The following CAMK4 variants were observed in gnomAD, a reference collection of about 807,000 sequenced individuals.
CAMK4 encodes the protein calcium/calmodulin-dependent protein kinase type IV.
In CAMK4, 22 loss-of-function variants were observed where a neutral mutation model predicts 44.9. The ratio of observed to expected loss-of-function variants is 0.49; its 90% CI spans 0.35 to 0.70. CAMK4 has a LOEUF of 0.70. Among genes scored for constraint, CAMK4 ranks in the 30% least tolerant of loss-of-function variants. The pLI is 0.01. For synonymous variants in CAMK4, 218 were observed against 215.4 expected (o/e 1.01, Z -0.11); for missense variants, 498 against 586.8 (o/e 0.85, Z 1.56).
intron 1 of CAMK4, among the ~76,000 whole-genome samples, chr5:111,309,260 A>G (rs1748096390): frequency 6.6e-6 from 1 of 152,182 alleles, no homozygotes; most frequent in African/African-American, 2.4e-5. Context: ...GGACTTATCA[A>G]TTCTGCCTGG....
Position 111,414,242 on chromosome 5 carries a change from T to C in CAMK4, c.459+19460T>C, listed in dbSNP as rs80237226. Among the ~76,000 whole-genome samples, 1,217 of 152,306 alleles carry C rather than the reference T, an allele frequency of 8.0e-3. 14 individuals carry two copies. The highest frequency in any genetic ancestry group is 0.026 in the African/African-American group (1,069 of 41,550). ...CAAAGCACAGAGTATTGCCTGATGC[T>C]ATCCTGAGAAAAAAATTTAGTTCTT... On this transcript the variant is annotated intron_variant, in intron 5 of 10. Coordinates refer to ENST00000282356, the MANE Select transcript of CAMK4 (RefSeq NM_001744.6).
chr5:111,228,559 A>G (rs1398262834), intron 1 of CAMK4, among the ~76,000 whole-genome samples: 1 of 144,194 alleles, frequency 6.9e-6, no homozygotes, highest in African/African-American at 2.6e-5. Context: ...TAAAACAGAA[A>G]CAATTTCATA....
chr5:111,241,234 G>A (rs2112518648), intron 1 of CAMK4, among the ~76,000 whole-genome samples: 1 of 151,148 alleles, frequency 6.6e-6, no homozygotes, highest in South Asian at 2.1e-4. Flanking sequence ...CAAATATATT[G>A]CATTTAATTA....
chr5:111,381,938 G>GTAAAGTT (rs3066723), intron 4 of CAMK4, among the ~76,000 whole-genome samples: 2 of 151,664 alleles, frequency 1.3e-5, no homozygotes, highest in Non-Finnish European at 2.9e-5. Flanking sequence ...AACAGAATTA[G>GTAAAGTT]TAATGATCTT....
rs1755486888 is a variant in CAMK4 at position 111,483,006 on chromosome 5, A to G, written c.981+69A>G. On this transcript the variant is annotated intron_variant, in intron 10 of 10. Coordinates refer to ENST00000282356, the MANE Select transcript of CAMK4 (RefSeq NM_001744.6). ...AAATTTATCTCATCTTGATCTATCA[A>G]TAATAGTTCTACCGTTCTTCATCTA... 3.8e-6 allele frequency: 5 copies of G among 1,305,040 alleles called. No individual in the cohort carries two copies. In the South Asian group the frequency reaches 6.4e-5, roughly 17 times the overall value. 80.8% of individuals were successfully genotyped at this position (1,305,040 alleles called of 1,614,324 possible). A position where few individuals can be genotyped will look rare whatever the true frequency, so the allele number is the denominator to read the frequency against.
chr5:111,444,771 C>T (rs920382634), intron 5 of CAMK4, among the ~76,000 whole-genome samples: 3 of 152,098 alleles, frequency 2.0e-5, no homozygotes, highest in East Asian at 3.9e-4. Flanking sequence ...GAGTATAGCA[C>T]ACTGGAAACT....
chr5:111,419,049 A>G (rs1752922444), intron 5 of CAMK4, among the ~76,000 whole-genome samples: 1 of 152,156 alleles, frequency 6.6e-6, no homozygotes, highest in South Asian at 2.1e-4. Flanking sequence ...ACTAGTTTAC[A>G]GTCCCACCAA....
At chr5:111,419,828 G>A (rs868732905) in intron 5 of CAMK4, among the ~76,000 whole-genome samples, 5 of 152,188 alleles carry the variant, frequency 3.3e-5, no homozygotes, top group African/African-American at 9.6e-5. Context: ...CCAGTACCAT[G>A]CTGTTTTGGT....
intron 1 of CAMK4, among the ~76,000 whole-genome samples, chr5:111,326,233 CA>C (rs1748881822): frequency 6.6e-6 from 1 of 151,432 alleles, no homozygotes; most frequent in African/African-American, 2.4e-5. Context: ...AGAAAACAAG[CA>C]AAAAAATGAA....
At chr5:111,429,008 T>A (rs1433068857) in intron 5 of CAMK4, among the ~76,000 whole-genome samples, 5 of 152,134 alleles carry the variant, frequency 3.3e-5, no homozygotes, top group Admixed American at 3.3e-4. Flanking sequence ...CAGAGGGAAG[T>A]TTATAGCTAT....
chr5:111,349,965 C>A (rs1307518549), intron 2 of CAMK4, among the ~76,000 whole-genome samples: 1 of 151,908 alleles, frequency 6.6e-6, no homozygotes, highest in African/African-American at 2.4e-5. Context: ...AGTCTGAGAT[C>A]TAATCTCCGT....
At chr5:111,379,702 T>G (rs1751344258) in intron 4 of CAMK4, among the ~76,000 whole-genome samples, 1 of 152,142 alleles carries the variant, frequency 6.6e-6, no homozygotes, top group African/African-American at 2.4e-5. Flanking sequence ...TGATAAGAAT[T>G]CATTCCTGGT....
In CAMK4 at chr5:111,473,366, A is replaced by G; in HGVS notation, c.681A>G (p.Val227=). The part of the protein sequence containing the change: ...AYGPEVDMWS[V]GIITYILLCG... ...GACCTGAGGTGGACATGTGGTCTGT[A>G]GGAATAATCACCTACATCTTGTAAG... The change falls in exon 8 of 11, where the codon GTA becomes GTG. Residue 227 remains valine, a synonymous_variant. Coordinates refer to ENST00000282356, the MANE Select transcript of CAMK4 (RefSeq NM_001744.6). 5 of 1,608,010 alleles carry G rather than the reference A, an allele frequency of 3.1e-6. No homozygotes were observed. The highest frequency in any genetic ancestry group is 3.4e-6 in the Non-Finnish European group (4 of 1,174,788).
rs1749978381 is a variant in CAMK4 at position 111,348,904 on chromosome 5, A to T, written c.240+4802A>T. 2.0e-5 allele frequency among the ~76,000 whole-genome samples: 3 copies of T among 152,078 alleles called. No individual in the cohort carries two copies. The South Asian group carries it at 6.2e-4, about 31-fold the overall frequency. On this transcript the variant is annotated intron_variant, in intron 2 of 10. Transcript: ENST00000282356. ...ATGTTATGACAAACATCAGTGACTC[A>T]CTGTTATAAATGTATTGAAGTGCCA...
At chr5:111,447,815 C>T (rs1308370460) in intron 6 of CAMK4, among the ~76,000 whole-genome samples, 1 of 152,176 alleles carries the variant, frequency 6.6e-6, no homozygotes, top group African/African-American at 2.4e-5. Context: ...AATGCAAGAA[C>T]CTAAGGAAAA....
At chr5:111,396,672 G>T (rs945776229) in intron 5 of CAMK4, among the ~76,000 whole-genome samples, 5 of 92,914 alleles carry the variant, frequency 5.4e-5, no homozygotes, top group Non-Finnish European at 4.0e-5. Context: ...ATGGAGTCTC[G>T]CTCTGTCACC....
At chr5:111,384,166 C>A (rs1265735460) in intron 4 of CAMK4, among the ~76,000 whole-genome samples, 5 of 152,130 alleles carry the variant, frequency 3.3e-5, no homozygotes, top group African/African-American at 7.2e-5. Context: ...ATTGTGTGAA[C>A]AGACAAGGGC....
intron 2 of CAMK4, among the ~76,000 whole-genome samples, chr5:111,356,871 G>A (rs1332414949): frequency 5.3e-5 from 8 of 151,928 alleles, no homozygotes; most frequent in East Asian, 1.9e-4. Flanking sequence ...TATCAATCTC[G>A]TTTAGATATT....
chr5:111,407,364 A>C (rs1306824444), intron 5 of CAMK4, among the ~76,000 whole-genome samples: 1 of 151,702 alleles, frequency 6.6e-6, no homozygotes, highest in Non-Finnish European at 1.5e-5. Flanking sequence ...AAAAAAAAGA[A>C]AAGAAAAACA....
Sources: gnomAD v4.1 joint callset for allele counts (sites outside exome capture counted in the v4.1 genomes callset) on GRCh38, gnomAD v4.1.1 for gene constraint, MANE v1.5 for transcripts, NCBI Gene and HGNC (gene_info 2026-07-23, HGNC 2026-07-21) for gene names.